IQCH: variants seen among roughly 807,000 people sequenced by gnomAD.
IQCH encodes IQ domain-containing protein H.
A neutral mutation model predicts 117.0 loss-of-function variants in IQCH; 98 were observed. That is an observed-to-expected ratio of 0.84 (90% confidence interval 0.71 to 0.99). The LOEUF (loss-of-function observed/expected upper bound fraction) is 0.99, where lower values mean the gene tolerates loss of function less well. IQCH is among the 50% of genes least tolerant of loss of function. The pLI, the probability that IQCH is intolerant of heterozygous loss-of-function variation, is 0.00. For missense variants in IQCH, 1,102 were observed against 1,243.8 expected (o/e 0.89, Z 1.72); for synonymous variants, 412 against 448.2 (o/e 0.92, Z 1.02).
chr15:67,364,164 A>G lies in IQCH; in HGVS notation c.753+4279A>G, dbSNP rs1240790111. Among the ~76,000 whole-genome samples, 1 of 152,200 alleles carries G rather than the reference A, an allele frequency of 6.6e-6. No individual in the cohort carries two copies. Among genetic ancestry groups the G allele is most frequent in the African/African-American group, 2.4e-5 (1 of 41,464 alleles). ...TTCTATAATGGCTGAACTAATTTACATTCCCACTGGCAGTGTATAAGCATT... is the reference window on the plus strand; with the variant it reads ...TTCTATAATGGCTGAACTAATTTACGTTCCCACTGGCAGTGTATAAGCATT... On this transcript the variant is annotated intron_variant, in intron 8 of 20. Coordinates refer to ENST00000335894, the MANE Select transcript of IQCH (RefSeq NM_001031715.3). This position sits in a 1 kb window ranked among gnomAD's most constrained non-coding sequence, Gnocchi z 4.1.
intron 10 of IQCH, among the ~76,000 whole-genome samples, chr15:67,379,325 G>C (rs577518704): frequency 6.6e-6 from 1 of 152,160 alleles, no homozygotes; most frequent in Non-Finnish European, 1.5e-5. Context: ...ACTCCACAAT[G>C]GTAATTCTAA....
Position 67,408,338 on chromosome 15 carries a change from G to A in IQCH, c.2097+8033G>A, listed in dbSNP as rs1039435066. 3 of 152,208 alleles carry A rather than the reference G, an allele frequency of 2.0e-5. No individual in the cohort carries two copies. The highest frequency in any genetic ancestry group is 2.9e-5 in the Non-Finnish European group (2 of 68,050). 9.4% of individuals were successfully genotyped at this position (152,208 alleles called of 1,614,324 possible). On this transcript the variant is annotated intron_variant, in intron 14 of 20. Coordinates refer to ENST00000335894, the MANE Select transcript of IQCH (RefSeq NM_001031715.3). This position sits in a 1 kb window ranked among gnomAD's most constrained non-coding sequence, Gnocchi z 4.2. ...GTGACTGCGCCATTTGCTTCTGGTCGTCTGTCCTTGGTGCCCCTCGGTGAG... is the reference window on the plus strand; with the variant it reads ...GTGACTGCGCCATTTGCTTCTGGTCATCTGTCCTTGGTGCCCCTCGGTGAG...
chr15:67,262,554 G>A (rs533134217), intron 2 of IQCH, among the ~76,000 whole-genome samples: 1 of 152,240 alleles, frequency 6.6e-6, no homozygotes, highest in South Asian at 2.1e-4. Flanking sequence ...AAGACCAAAT[G>A]CTTTCTTTGG....
intron 10 of IQCH, among the ~76,000 whole-genome samples, chr15:67,383,579 T>C (rs1971013577): frequency 6.6e-6 from 1 of 152,190 alleles, no homozygotes; most frequent in Non-Finnish European, 1.5e-5. Flanking sequence ...TTTATACTCT[T>C]GCTATATGTT....
rs551810968 is a variant in IQCH at position 67,391,925 on chromosome 15, A to G, written c.1632+2919A>G. Among the ~76,000 whole-genome samples the G allele has an allele frequency of 2.6e-5, 4 of 152,344 alleles. No homozygotes were observed. The East Asian group carries it at 7.7e-4, about 29-fold the overall frequency. ...ACAGAACTCCATCCTGGCTGGAAAT[A>G]TGCTCAGAATGTTAACATTAGGTTC... On this transcript the variant is annotated intron_variant, in intron 12 of 20. Coordinates refer to ENST00000335894, the MANE Select transcript of IQCH (RefSeq NM_001031715.3). This position sits in a 1 kb window ranked among gnomAD's most constrained non-coding sequence, Gnocchi z 4.3.
In IQCH at chr15:67,456,441, C is replaced by T. The variant is rs2082659005; in HGVS notation, c.2506-8686C>T. On this transcript the variant is annotated intron_variant, in intron 16 of 20. Transcript: ENST00000335894. The surrounding 1 kb of genome is among the most constrained non-coding windows in gnomAD (Gnocchi z 5.1). ...GTCATTTCACCCTCAGAGTCCTCAC[C>T]CATAAAATGAAGAGATGAGAAGGAT... 6.6e-6 allele frequency among the ~76,000 whole-genome samples: 1 copy of T among 151,984 alleles called. No homozygotes were observed. The highest frequency in any genetic ancestry group is 1.5e-5 in the Non-Finnish European group (1 of 68,018).
chr15:67,391,885 G>A lies in IQCH; in HGVS notation c.1632+2879G>A, dbSNP rs987310477. On this transcript the variant is annotated intron_variant, in intron 12 of 20. Coordinates refer to ENST00000335894, the MANE Select transcript of IQCH (RefSeq NM_001031715.3). The surrounding 1 kb of genome is among the most constrained non-coding windows in gnomAD (Gnocchi z 4.3). ...GTAGAGTACTTGCCAATAGAAACAC[G>A]CAAACCTAGAGGAGACAGAACTCCA... Among the ~76,000 whole-genome samples, 1 of 152,144 alleles carries A rather than the reference G, an allele frequency of 6.6e-6. No individual in the cohort carries two copies. Among genetic ancestry groups the A allele is most frequent in the Non-Finnish European group, 1.5e-5 (1 of 68,036 alleles).
chr15:67,363,788 T>C (rs532169424), intron 8 of IQCH, among the ~76,000 whole-genome samples: 31 of 152,178 alleles, frequency 2.0e-4, no homozygotes, highest in Non-Finnish European at 3.1e-4. Context: ...CTCCTACTTA[T>C]AAGTGAGAAC....
At chr15:67,262,049 A>G (rs1452092548) in intron 2 of IQCH, among the ~76,000 whole-genome samples, 5 of 152,024 alleles carry the variant, frequency 3.3e-5, no homozygotes, top group African/African-American at 1.2e-4. Context: ...TGATTTCCCC[A>G]CTGCATTTCA....
At position 67,411,118 on chromosome 15, in the gene IQCH, A is replaced by T. The variant is rs576882656; in HGVS notation, c.2098-5813A>T. Among the ~76,000 whole-genome samples the T allele has an allele frequency of 6.6e-6, 1 of 152,284 alleles. No individual in the cohort carries two copies. Among genetic ancestry groups the T allele is most frequent in the African/African-American group, 2.4e-5 (1 of 41,566 alleles). Reference sequence around the variant, plus strand: ...AAAGCCTAAAAAGTGACTAAAATGTATCCTGTGCACACGGAGGCAGCCCTT... The same window carrying T: ...AAAGCCTAAAAAGTGACTAAAATGTTTCCTGTGCACACGGAGGCAGCCCTT... On this transcript the variant is annotated intron_variant, in intron 14 of 20. Transcript: ENST00000335894. This position sits in a 1 kb window ranked among gnomAD's most constrained non-coding sequence, Gnocchi z 4.4.
At chr15:67,331,845 A>T (rs1968680240) in intron 4 of IQCH, among the ~76,000 whole-genome samples, 1 of 152,180 alleles carries the variant, frequency 6.6e-6, no homozygotes, top group Non-Finnish European at 1.5e-5. Flanking sequence ...AGGAAGGATG[A>T]TGATAGTACT....
At chr15:67,339,794 G>T (rs1969059726) in intron 5 of IQCH, among the ~76,000 whole-genome samples, 1 of 152,170 alleles carries the variant, frequency 6.6e-6, no homozygotes, top group Non-Finnish European at 1.5e-5. Context: ...GGTGGGGCAA[G>T]AATGTTCATT....
rs755306238 is a variant in IQCH, at chr15:67,356,392, A to G, written c.638-953A>G. ...TGAGTTTCACTGAAAAGGCTCTGCT[A>G]TTTTTCCTACTCTTTAAAAAAGAGC... On this transcript the variant is annotated intron_variant, in intron 6 of 20. Transcript: ENST00000335894. This position sits in a 1 kb window ranked among gnomAD's most constrained non-coding sequence, Gnocchi z 5.3. 1.1e-4 allele frequency among the ~76,000 whole-genome samples: 16 copies of G among 152,260 alleles called. No homozygotes were observed. The highest frequency in any genetic ancestry group is 2.1e-4 in the Non-Finnish European group (14 of 68,024).
chr15:67,273,346 A>G (rs1965984127), intron 3 of IQCH, among the ~76,000 whole-genome samples: 1 of 152,170 alleles, frequency 6.6e-6, no homozygotes, highest in Non-Finnish European at 1.5e-5. Context: ...CTGAGATTAT[A>G]GGCACGAGCC....
chr15:67,487,494 T>C (rs2083522598), intron 18 of IQCH, among the ~76,000 whole-genome samples: 1 of 152,020 alleles, frequency 6.6e-6, no homozygotes, highest in Admixed American at 6.6e-5. Flanking sequence ...TAGTGCAATA[T>C]TTTAACAATC....
chr15:67,446,305 G>GC (rs1263950670), intron 16 of IQCH, among the ~76,000 whole-genome samples: 3 of 152,178 alleles, frequency 2.0e-5, no homozygotes, highest in Non-Finnish European at 2.9e-5. Context: ...AACAGGTAGA[G>GC]CTAAAACTAA....
At position 67,401,284 on chromosome 15, in the gene IQCH, G is replaced by A. The variant is rs370602594; in HGVS notation, c.2097+979G>A. The stretch of plus-strand genomic sequence containing the variant: ...TTGCTTAATTAAAGTAATTTTATAT[G>A]GTTTAATATATAAATTAAACCTGCC... On this transcript the variant is annotated intron_variant, in intron 14 of 20. Coordinates refer to ENST00000335894, the MANE Select transcript of IQCH (RefSeq NM_001031715.3). The surrounding 1 kb of genome is among the most constrained non-coding windows in gnomAD (Gnocchi z 4.7). 3.0e-4 allele frequency among the ~76,000 whole-genome samples: 46 copies of A among 152,122 alleles called. No homozygotes were observed. The highest frequency in any genetic ancestry group is 1.4e-3 in the Admixed American group (22 of 15,282).
chr15:67,259,916 T>C (rs895812955), intron 1 of IQCH, among the ~76,000 whole-genome samples: 1 of 152,222 alleles, frequency 6.6e-6, no homozygotes, highest in Admixed American at 6.5e-5. Context: ...ACATGACAAT[T>C]TGTGAAGAGT....
chr15:67,367,398 G>T (rs1970371660), intron 8 of IQCH, among the ~76,000 whole-genome samples: 1 of 151,982 alleles, frequency 6.6e-6, no homozygotes, highest in Admixed American at 6.6e-5. Flanking sequence ...AATTAGATGG[G>T]CGTCATGACA....
Sources: allele counts gnomAD v4.1 joint callset (sites outside exome capture counted in the v4.1 genomes callset), GRCh38; gene constraint gnomAD v4.1.1; non-coding constraint Gnocchi (gnomAD v3.1); transcripts MANE v1.5; gene names NCBI Gene and HGNC (gene_info 2026-07-23, HGNC 2026-07-21).